Variants in SYCP1 observed in about 807,000 individuals in gnomAD.
The protein encoded by SYCP1 is cancer/testis antigen 8.
SYCP1 carries 64 observed loss-of-function variants against 153.1 expected under a neutral mutation model. The observed-to-expected ratio is 0.42, with a 90% CI of 0.34 to 0.51. The LOEUF is 0.51. Ranked by LOEUF, SYCP1 falls within the 20% of genes least tolerant of loss-of-function variation. The pLI is 0.06. For synonymous variants in SYCP1, 384 were observed against 341.8 expected (o/e 1.12, Z -1.36); for missense variants, 997 against 1,049.0 (o/e 0.95, Z 0.68).
chr1:114,875,174 A>ATATG (rs370572049), intron 9 of SYCP1, among the ~76,000 whole-genome samples: 5 of 139,562 alleles, frequency 3.6e-5, no homozygotes, highest in Non-Finnish European at 7.9e-5. Context: ...TGTATTTGAT[A>ATATG]TGTGTGTGTG....
At chr1:114,916,274 T>C (rs899113205) in intron 20 of SYCP1, among the ~76,000 whole-genome samples, 5 of 152,184 alleles carry the variant, frequency 3.3e-5, no homozygotes, top group African/African-American at 1.2e-4. Context: ...TACTTTTGGA[T>C]ATTTATGTTT....
rs1471662586 is a variant in SYCP1, at chr1:114,981,221, G to C, written c.2383-115G>C. 62 of 735,638 alleles carry C rather than the reference G, an allele frequency of 8.4e-5. No homozygotes were observed. In the East Asian group the frequency reaches 1.7e-3, roughly 21 times the overall value. 45.6% of individuals were successfully genotyped at this position (735,638 alleles called of 1,614,324 possible). ...TTATCTAGTCAGTGATAAATTTAGG[G>C]ATAAATTTGCTTATTTTGTTGTGAA... On this transcript the variant is annotated intron_variant, in intron 28 of 31. Transcript: ENST00000369522.
chr1:114,874,593 A>G lies in SYCP1; in HGVS notation c.657+29A>G, dbSNP rs773904389. ...AGTGTTAATGAAATCTGAGTATTTT[A>G]AACATAGGAATTTCTGAGCAAATTA... On this transcript the variant is annotated intron_variant, in intron 9 of 31. Coordinates refer to ENST00000369522, the MANE Select transcript of SYCP1 (RefSeq NM_003176.4). 4.9e-6 allele frequency: 7 copies of G among 1,443,200 alleles called. No individual in the cohort carries two copies. In the Admixed American group the frequency reaches 1.1e-4, roughly 23 times the overall value. 89.4% of individuals were successfully genotyped at this position (1,443,200 alleles called of 1,614,324 possible).
At chr1:114,960,820 T>G (rs960846255) in intron 27 of SYCP1, among the ~76,000 whole-genome samples, 2 of 152,200 alleles carry the variant, frequency 1.3e-5, no homozygotes, top group Non-Finnish European at 2.9e-5. Flanking sequence ...ATTTTCTTTT[T>G]TCGTTTTGTC....
chr1:114,934,207 G>A (rs1204277621), intron 23 of SYCP1, among the ~76,000 whole-genome samples: 1 of 152,160 alleles, frequency 6.6e-6, no homozygotes, highest in Admixed American at 6.5e-5. Flanking sequence ...ACTAACAGCG[G>A]ATCTCTGGAG....
At chr1:114,925,788 C>T (rs1243348897) in intron 21 of SYCP1, among the ~76,000 whole-genome samples, 3 of 151,956 alleles carry the variant, frequency 2.0e-5, no homozygotes, top group African/African-American at 7.3e-5. Flanking sequence ...GCTGATAAAA[C>T]ATTGCAAAGA....
At chr1:114,923,993 G>A (rs1210606801) in intron 21 of SYCP1, among the ~76,000 whole-genome samples, 1 of 152,162 alleles carries the variant, frequency 6.6e-6, no homozygotes, top group Non-Finnish European at 1.5e-5. Flanking sequence ...TTCTGCCAAA[G>A]TGGAAAATTG....
chr1:114,949,823 A>C (rs1204344714), intron 27 of SYCP1, among the ~76,000 whole-genome samples: 1 of 152,202 alleles, frequency 6.6e-6, no homozygotes, highest in African/African-American at 2.4e-5. Flanking sequence ...GGTCACACTG[A>C]ACTCCTTATT....
At chr1:114,984,610 TG>T (rs770618668) in intron 29 of SYCP1, 114 bp from the exon 30 acceptor site, 14 of 818,322 alleles carry the variant, frequency 1.7e-5, no homozygotes, top group Non-Finnish European at 2.3e-5. Context: ...CCAATAATAA[TG>T]GAGGTTTCTG....
intron 23 of SYCP1, among the ~76,000 whole-genome samples, chr1:114,929,757 A>G (rs908840210): frequency 6.6e-6 from 1 of 152,076 alleles, no homozygotes; most frequent in East Asian, 1.9e-4. Context: ...AGAAAATACT[A>G]TACTCATAAT....
At chr1:114,927,660 A>G (rs1448486355) in intron 23 of SYCP1, among the ~76,000 whole-genome samples, 2 of 152,190 alleles carry the variant, frequency 1.3e-5, no homozygotes, top group East Asian at 3.8e-4. Flanking sequence ...AGTGTCAGTA[A>G]ACTGGAAGTT....
chr1:114,980,463 C>T (rs1201723653), intron 28 of SYCP1, among the ~76,000 whole-genome samples: 1 of 151,816 alleles, frequency 6.6e-6, no homozygotes, highest in Non-Finnish European at 1.5e-5. Context: ...AAGCAAATAG[C>T]CATTTTCTCA....
At chr1:114,988,972 G>T (rs969114768) in intron 30 of SYCP1, among the ~76,000 whole-genome samples, 5 of 151,930 alleles carry the variant, frequency 3.3e-5, no homozygotes, top group Non-Finnish European at 5.9e-5. Context: ...TTTGAGACCA[G>T]CCTGGGTAAC....
intron 16 of SYCP1, among the ~76,000 whole-genome samples, chr1:114,905,271 C>G (rs2101644775): frequency 6.6e-6 from 1 of 152,172 alleles, no homozygotes; most frequent in East Asian, 1.9e-4. Flanking sequence ...AGCTTAGAGG[C>G]TGAAGAAAGA....
At chr1:114,883,222 C>T (rs1426146573) in intron 12 of SYCP1, among the ~76,000 whole-genome samples, 1 of 152,086 alleles carries the variant, frequency 6.6e-6, no homozygotes, top group African/African-American at 2.4e-5. Context: ...TCATCATTAT[C>T]GCTTTGGAGT....
intron 27 of SYCP1, among the ~76,000 whole-genome samples, chr1:114,956,776 A>G (rs1260603618): frequency 1.3e-5 from 2 of 152,192 alleles, no homozygotes; most frequent in African/African-American, 2.4e-5. Context: ...AGCATCCTCT[A>G]GTGCTGAGAT....
chr1:114,903,583 T>C (rs1487747987), intron 16 of SYCP1, among the ~76,000 whole-genome samples: 1 of 152,210 alleles, frequency 6.6e-6, no homozygotes, highest in Admixed American at 6.5e-5. Context: ...CATGGCCTTG[T>C]AAATCATATC....
intron 8 of SYCP1, among the ~76,000 whole-genome samples, chr1:114,865,850 C>A (rs548690230): frequency 6.6e-6 from 1 of 152,296 alleles, no homozygotes; most frequent in East Asian, 1.9e-4. Flanking sequence ...ATTCTCTACA[C>A]CCTACTCTGG....
chr1:114,953,828 T>G (rs544373833), intron 27 of SYCP1, among the ~76,000 whole-genome samples: 1 of 152,334 alleles, frequency 6.6e-6, no homozygotes. Flanking sequence ...AAAACCTTGC[T>G]GGGATTTTGA....
Sources: gnomAD v4.1 joint callset for allele counts (sites outside exome capture counted in the v4.1 genomes callset) on GRCh38, gnomAD v4.1.1 for gene constraint, MANE v1.5 for transcripts, NCBI Gene and HGNC (gene_info 2026-07-23, HGNC 2026-07-21) for gene names.